The following BACE2 variants were observed in gnomAD, a reference collection of about 807,000 sequenced individuals.
BACE2 encodes 56 kDa aspartic-like protease.
A neutral mutation model predicts 46.2 loss-of-function variants in BACE2; 17 were observed. The observed-to-expected ratio is 0.37, with a 90% CI of 0.25 to 0.55. The LOEUF (loss-of-function observed/expected upper bound fraction) is 0.55. Ranked by LOEUF, BACE2 falls within the 20% of genes least tolerant of loss-of-function variation. The pLI is 0.82. For missense variants in BACE2, 595 were observed against 698.1 expected (o/e 0.85, Z 1.66); for synonymous variants, 277 against 295.9 (o/e 0.94, Z 0.66).
intron 8 of BACE2, among the ~76,000 whole-genome samples, chr21:41,264,111 G>A (rs1487185701): frequency 2.0e-5 from 3 of 151,898 alleles, no homozygotes; most frequent in Non-Finnish European, 4.4e-5. Context: ...GTTCAGCTAT[G>A]TTCAATCTAC....
intron 1 of BACE2, chr21:41,182,982 T>A (rs192132078): frequency 2.6e-4 from 44 of 166,514 alleles, no homozygotes; most frequent in African/African-American, 9.6e-4. Context: ...AGACAAAAAA[T>A]TTTTTCTCAA....
chr21:41,241,768 G>T, intron 3 of BACE2, 51 bp from the exon 4 acceptor site: 1 of 1,609,326 alleles, frequency 6.2e-7, no homozygotes, highest in South Asian at 1.1e-5. Flanking sequence ...GGTGACCCAT[G>T]TCTACACTGT....
At chr21:41,243,546 G>A in intron 5 of BACE2, 36 bp downstream of exon 5, 2 of 1,570,048 alleles carry the variant, frequency 1.3e-6, no homozygotes, top group Non-Finnish European at 1.7e-6. Flanking sequence ...GTCTTTCTGT[G>A]TATGTCTGGG....
chr21:41,217,827 C>T (rs950163705), intron 1 of BACE2, among the ~76,000 whole-genome samples: 8 of 152,214 alleles, frequency 5.3e-5, no homozygotes, highest in East Asian at 1.9e-4. Flanking sequence ...CAAGTAAAGG[C>T]GGCGGCCAGC....
chr21:41,243,550 G>T (rs201436207), intron 5 of BACE2, 40 bp downstream of exon 5: 131 of 1,555,782 alleles, frequency 8.4e-5, no homozygotes, highest in Admixed American at 3.5e-4. Context: ...TTCTGTGTAT[G>T]TCTGGGTCCC....
chr21:41,211,811 G>A (rs6517656), intron 1 of BACE2, among the ~76,000 whole-genome samples: 49,853 of 152,208 alleles, frequency 0.33, 13,572 homozygotes, highest in African/African-American at 0.75. Flanking sequence ...TAGATGAATC[G>A]CCCAGTTTTT....
chr21:41,262,638 C>G (rs1181596608), intron 8 of BACE2, among the ~76,000 whole-genome samples: 1 of 152,060 alleles, frequency 6.6e-6, no homozygotes, highest in Admixed American at 6.6e-5. Context: ...ATCAAGTTTC[C>G]CCTATGAATG....
intron 1 of BACE2, among the ~76,000 whole-genome samples, chr21:41,225,294 C>G (rs1986780293): frequency 6.6e-6 from 1 of 151,710 alleles, no homozygotes; most frequent in South Asian, 2.1e-4. Flanking sequence ...GGTATTTACC[C>G]AAGAGAAATG....
intron 8 of BACE2, among the ~76,000 whole-genome samples, chr21:41,267,279 T>G (rs750531077): frequency 6.6e-5 from 10 of 152,158 alleles, no homozygotes; most frequent in Non-Finnish European, 1.5e-4. Context: ...GGTCAGGGTG[T>G]GTTATGGCTC....
chr21:41,204,873 G>A (rs1986076368), intron 1 of BACE2, among the ~76,000 whole-genome samples: 1 of 152,198 alleles, frequency 6.6e-6, no homozygotes, highest in African/African-American at 2.4e-5. Context: ...TCCCTTGGAA[G>A]GGCTTTAAGA....
intron 8 of BACE2, among the ~76,000 whole-genome samples, chr21:41,270,531 C>T (rs2088423840): frequency 1.3e-5 from 2 of 152,138 alleles, no homozygotes; most frequent in South Asian, 4.1e-4. Flanking sequence ...ATCCTCCTAC[C>T]ACCGTCGCCT....
At chr21:41,184,049 C>T (rs921042332) in intron 1 of BACE2, 9 of 166,944 alleles carry the variant, frequency 5.4e-5, no homozygotes, top group African/African-American at 1.9e-4. Flanking sequence ...TTGCCCTGTC[C>T]CTGTTGTTGT....
intron 1 of BACE2, among the ~76,000 whole-genome samples, chr21:41,213,417 G>A (rs1270891510): frequency 6.6e-6 from 1 of 152,090 alleles, no homozygotes; most frequent in Non-Finnish European, 1.5e-5. Context: ...GGTGAGAGGT[G>A]GTTTCTACTT....
At chr21:41,238,155 C>T (rs1052643176) in intron 3 of BACE2, among the ~76,000 whole-genome samples, 5 of 152,116 alleles carry the variant, frequency 3.3e-5, no homozygotes, top group African/African-American at 1.2e-4. Flanking sequence ...CAGGCTGGGA[C>T]GTGGCCTGTT....
intron 1 of BACE2, among the ~76,000 whole-genome samples, chr21:41,196,247 G>A (rs1003829064): frequency 6.6e-6 from 1 of 151,604 alleles, no homozygotes; most frequent in African/African-American, 2.4e-5. Flanking sequence ...TCAGTGAGCC[G>A]AGATTGCACC....
intron 1 of BACE2, among the ~76,000 whole-genome samples, chr21:41,210,210 A>C (rs1248038699): frequency 6.7e-6 from 1 of 149,438 alleles, no homozygotes; most frequent in African/African-American, 2.5e-5. Context: ...TAAGCTCCTA[A>C]GCCCCCCACC....
Position 41,221,397 on chromosome 21 carries a change from TAC to T in BACE2, c.313-4863_313-4862del, listed in dbSNP as rs1986642264. On this transcript the variant is annotated intron_variant, in intron 1 of 8. Transcript: ENST00000330333. The stretch of plus-strand genomic sequence containing the variant: ...GCTCGAAAACTGTGTGTGCAGAACC[TAC>T]ACACAGCTGGTTTGTGTGCACAGAC... Among the ~76,000 whole-genome samples, 4 of 152,218 alleles carry T rather than the reference TAC, an allele frequency of 2.6e-5. No individual in the cohort carries two copies. The South Asian group carries it at 8.3e-4, about 32-fold the overall frequency.
chr21:41,189,959 C>T (rs1418264440), intron 1 of BACE2, among the ~76,000 whole-genome samples: 6 of 152,240 alleles, frequency 3.9e-5, no homozygotes, highest in Admixed American at 6.5e-5. Context: ...GCGTCCAGTA[C>T]GGGAGAAAGA....
chr21:41,244,783 T>C (rs988319513), intron 5 of BACE2, among the ~76,000 whole-genome samples: 2 of 152,186 alleles, frequency 1.3e-5, no homozygotes, highest in Non-Finnish European at 2.9e-5. Flanking sequence ...TCTGTGTTTA[T>C]TGTCAAGAGG....
Sources: allele counts gnomAD v4.1 joint callset (sites outside exome capture counted in the v4.1 genomes callset), GRCh38; gene constraint gnomAD v4.1.1; transcripts MANE v1.5; gene names NCBI Gene and HGNC (gene_info 2026-07-23, HGNC 2026-07-21).